The following TMEFF2 variants were observed in gnomAD, a reference collection of about 807,000 sequenced individuals.
TMEFF2 encodes tomoregulin-2.
A neutral mutation model predicts 53.8 loss-of-function variants in TMEFF2; 28 were observed. That is an observed-to-expected ratio of 0.52 (90% CI 0.39 to 0.71). TMEFF2 has a LOEUF of 0.71. TMEFF2 is among the 30% of genes least tolerant of loss of function. The pLI is 0.00. For missense variants in TMEFF2, 353 were observed against 455.2 expected, an observed-to-expected ratio of 0.78 and a Z score of 2.04; for synonymous variants, 162 against 166.3, an observed-to-expected ratio of 0.97 and a Z score of 0.20.
intron 4 of TMEFF2, among the ~76,000 whole-genome samples, chr2:192,154,028 C>T (rs566254549): frequency 2.0e-5 from 3 of 152,006 alleles, no homozygotes; most frequent in African/African-American, 7.2e-5. Flanking sequence ...AAATGCAATG[C>T]TAATTCCATT....
At chr2:192,188,883 C>T (rs1448476077) in intron 2 of TMEFF2, among the ~76,000 whole-genome samples, 2 of 144,182 alleles carry the variant, frequency 1.4e-5, no homozygotes, top group Non-Finnish European at 3.1e-5. Context: ...ATCTATCTAT[C>T]TGTCCATCTA....
At chr2:192,042,265 G>T (rs534565953) in intron 5 of TMEFF2, among the ~76,000 whole-genome samples, 57 of 152,274 alleles carry the variant, frequency 3.7e-4, no homozygotes, top group African/African-American at 1.3e-3. Flanking sequence ...TTGAAATATT[G>T]TGAGAATTGC....
At position 192,193,753 on chromosome 2, in the gene TMEFF2, T is replaced by TAGAGAGAGAG. The variant is rs60273464; in HGVS notation, c.172+599_172+600insCTCTCTCTCT. ...GAAGGGAATGAGAGAGAGAGAGAGA[T>TAGAGAGAGAG]AGATAGATAGAGAGAGAGAGAGAGA... On this transcript the variant is annotated intron_variant, in intron 1 of 9. Coordinates refer to ENST00000272771, the MANE Select transcript of TMEFF2 (RefSeq NM_016192.4). 4.2e-4 allele frequency among the ~76,000 whole-genome samples: 51 copies of TAGAGAGAGAG among 122,664 alleles called. 1 individual carries two copies. The highest frequency in any genetic ancestry group is 5.2e-4 in the South Asian group (2 of 3,810). The allele number at this position is 122,664 out of a possible 152,430, so 80.5% of individuals were successfully genotyped here. A position where few individuals can be genotyped will look rare whatever the true frequency, so the allele number is the denominator to read the frequency against.
intron 4 of TMEFF2, among the ~76,000 whole-genome samples, chr2:192,160,204 A>G (rs2106010401): frequency 6.6e-6 from 1 of 152,266 alleles, no homozygotes; most frequent in East Asian, 1.9e-4. Flanking sequence ...TTTCAAAAAG[A>G]ATTTGGTATC....
chr2:192,194,543 T>C lies in TMEFF2; in HGVS notation c.-19A>G, dbSNP rs910604187. ...GCACCATGACTAGTTCGTGCAACTC[T>C]GCAGCAGCAAACGGCTTCCGAGGAA... On this transcript the variant is annotated 5_prime_UTR_variant, in exon 1 of 10. Transcript: ENST00000272771. The surrounding 1 kb of genome is among the most constrained non-coding windows in gnomAD (Gnocchi z 4.2). 5 of 1,605,156 alleles carry C rather than the reference T, an allele frequency of 3.1e-6. No individual in the cohort carries two copies. Among genetic ancestry groups the C allele is most frequent in the Non-Finnish European group, 4.3e-6 (5 of 1,174,388 alleles).
intron 5 of TMEFF2, among the ~76,000 whole-genome samples, chr2:192,023,792 A>C (rs963962711): frequency 6.6e-6 from 1 of 152,102 alleles, no homozygotes. Context: ...CATCACCTCT[A>C]TAGCTCCTTT....
chr2:192,111,866 G>A (rs1689285563), intron 4 of TMEFF2, among the ~76,000 whole-genome samples: 1 of 152,220 alleles, frequency 6.6e-6, no homozygotes, highest in African/African-American at 2.4e-5. Flanking sequence ...TACAAATTGG[G>A]CTGTGGCTTC....
At chr2:192,057,331 C>T (rs2105903060) in intron 5 of TMEFF2, among the ~76,000 whole-genome samples, 1 of 152,228 alleles carries the variant, frequency 6.6e-6, no homozygotes, top group South Asian at 2.1e-4. Context: ...TACAGGCCTG[C>T]TGGGAGTACA....
chr2:191,987,062 G>C (rs983627290), intron 7 of TMEFF2, among the ~76,000 whole-genome samples: 8 of 151,984 alleles, frequency 5.3e-5, no homozygotes, highest in Non-Finnish European at 8.8e-5. Context: ...GCACCAAAAA[G>C]CAGGATTTTA....
At position 192,099,226 on chromosome 2, in the gene TMEFF2, T is replaced by C. The variant is rs531114994; in HGVS notation, c.440-41451A>G. Among the ~76,000 whole-genome samples the C allele has an allele frequency of 1.5e-4, 23 of 152,268 alleles. 1 individual carries two copies. The East Asian group carries it at 3.9e-3, about 26-fold the overall frequency. ...AAAATGTTATTTTGTTCTTCTCACA[T>C]AGAAATAGGAACTGAAACTCTGGGT... On this transcript the variant is annotated intron_variant, in intron 4 of 9. Coordinates refer to ENST00000272771, the MANE Select transcript of TMEFF2 (RefSeq NM_016192.4).
At chr2:192,138,050 C>G (rs1690053121) in intron 4 of TMEFF2, among the ~76,000 whole-genome samples, 1 of 152,042 alleles carries the variant, frequency 6.6e-6, no homozygotes, top group South Asian at 2.1e-4. Context: ...AACTCCTGAC[C>G]CCAGGTGATC....
chr2:192,043,401 A>C (rs773589999), intron 5 of TMEFF2, among the ~76,000 whole-genome samples: 42 of 152,112 alleles, frequency 2.8e-4, no homozygotes, highest in Non-Finnish European at 4.9e-4. Context: ...GTATACTGTT[A>C]ATCTTTCTCT....
At chr2:192,191,829 G>T (rs1303809388) in intron 2 of TMEFF2, 51 bp downstream of exon 2, 2 of 1,288,690 alleles carry the variant, frequency 1.6e-6, no homozygotes, top group African/African-American at 1.5e-5. Context: ...GAAGATTCCT[G>T]CTTTGCAGTC....
intron 7 of TMEFF2, among the ~76,000 whole-genome samples, chr2:191,957,729 C>A (rs1025301407): frequency 2.6e-5 from 4 of 151,932 alleles, no homozygotes; most frequent in African/African-American, 9.7e-5. Flanking sequence ...TGTTACACAC[C>A]CAAATTTGTA....
rs151331719 is a variant in TMEFF2, at chr2:191,972,239, G to A, written c.746-15861C>T. Among the ~76,000 whole-genome samples, 848 of 149,934 alleles carry A rather than the reference G, an allele frequency of 5.7e-3. 16 individuals carry two copies. Among genetic ancestry groups the A allele is most frequent in the African/African-American group, 0.02 (797 of 40,652 alleles). ...GGCTCACTGCAACCTCCGCCTCCCG[G>A]ATTCAAGTGATTCTCCTGCCTCAGC... On this transcript the variant is annotated intron_variant, in intron 7 of 9. Transcript: ENST00000272771.
At chr2:191,953,890 T>C in intron 8 of TMEFF2, 53 bp from the exon 9 acceptor site, 2 of 1,170,678 alleles carry the variant, frequency 1.7e-6, no homozygotes, top group Non-Finnish European at 2.3e-6. Flanking sequence ...TTCATTTTTT[T>C]TTTTTTTTTT....
chr2:192,132,860 C>T (rs939071111), intron 4 of TMEFF2, among the ~76,000 whole-genome samples: 4 of 152,054 alleles, frequency 2.6e-5, no homozygotes, highest in Non-Finnish European at 5.9e-5. Flanking sequence ...GCTCTTTGAC[C>T]GACTCCTTCT....
At chr2:192,083,991 A>G (rs1297583762) in intron 4 of TMEFF2, among the ~76,000 whole-genome samples, 4 of 152,136 alleles carry the variant, frequency 2.6e-5, no homozygotes, top group Non-Finnish European at 5.9e-5. Context: ...CACTAGAATC[A>G]TTGTTACCAT....
chr2:192,165,042 C>G (rs918224890), intron 4 of TMEFF2, among the ~76,000 whole-genome samples: 2 of 146,940 alleles, frequency 1.4e-5, no homozygotes, highest in Non-Finnish European at 3.0e-5. Context: ...GTGCAGGAGA[C>G]TAGCAAGCCA....
Sources: allele counts gnomAD v4.1 joint callset (sites outside exome capture counted in the v4.1 genomes callset), GRCh38; gene constraint gnomAD v4.1.1; non-coding constraint Gnocchi (gnomAD v3.1); transcripts MANE v1.5; gene names NCBI Gene and HGNC (gene_info 2026-07-23, HGNC 2026-07-21).